BLOC1S2: variants seen among roughly 807,000 people sequenced by gnomAD.
BLOC1S2 encodes biogenesis of lysosome-related organelles complex 1 subunit 2.
Under a neutral mutation model 19.6 loss-of-function variants are expected in BLOC1S2, and 12 were observed. The observed-to-expected ratio is 0.61, with a 90% CI of 0.39 to 0.99. BLOC1S2 has a LOEUF of 0.99. BLOC1S2 is among the 50% of genes least tolerant of loss of function. The pLI is 0.00. For synonymous variants in BLOC1S2, 66 were observed against 64.1 expected (o/e 1.03, Z -0.14); for missense variants, 142 against 171.0 (o/e 0.83, Z 0.95).
At position 100,274,941 on chromosome 10, in the gene BLOC1S2, A is replaced by G. The variant is rs1260036913; in HGVS notation, c.*521T>C. ...TGGAATTATTTTAAGATTTTATGTTATTTGCAATATTATGGAAAAGTAAGT... is the reference window on the plus strand; with the variant it reads ...TGGAATTATTTTAAGATTTTATGTTGTTTGCAATATTATGGAAAAGTAAGT... On this transcript the variant is annotated 3_prime_UTR_variant, in exon 5 of 5. Coordinates refer to ENST00000370372, the MANE Select transcript of BLOC1S2 (RefSeq NM_173809.5). 2.5e-6 allele frequency: 1 copy of G among 398,632 alleles called. No individual in the cohort carries two copies. Among genetic ancestry groups the G allele is most frequent in the Non-Finnish European group, 4.4e-6 (1 of 226,092 alleles). 24.7% of individuals were successfully genotyped at this position (398,632 alleles called of 1,614,324 possible).
intron 4 of BLOC1S2, among the ~76,000 whole-genome samples, chr10:100,276,206 T>C (rs188542251): frequency 6.6e-6 from 1 of 152,302 alleles, no homozygotes; most frequent in East Asian, 1.9e-4. Context: ...TACTACAAAC[T>C]ACTTTCTTGA....
At chr10:100,280,039 C>G (rs1848062748) in intron 4 of BLOC1S2, 85 bp downstream of exon 4, 2 of 1,005,750 alleles carry the variant, frequency 2.0e-6, no homozygotes, top group African/African-American at 1.6e-5. Context: ...GTAGGCACAC[C>G]ATAAATGTTA....
At chr10:100,281,662 G>A (rs1365060571) in intron 2 of BLOC1S2, among the ~76,000 whole-genome samples, 1 of 141,840 alleles carries the variant, frequency 7.1e-6, no homozygotes, top group Admixed American at 7.3e-5. Flanking sequence ...CAGCCTGGGT[G>A]ACAGAGTGAG....
At chr10:100,275,571 A>G in intron 4 of BLOC1S2, 78 bp from the exon 5 acceptor site, 1 of 1,345,012 alleles carries the variant, frequency 7.4e-7, no homozygotes, top group South Asian at 1.3e-5. Flanking sequence ...TTTCCAGTCA[A>G]GTTTAAAAAA....
rs1219919809 is a variant in BLOC1S2, at chr10:100,276,413, C to CG, written c.398-921_398-920insC. On this transcript the variant is annotated intron_variant, in intron 4 of 4. Coordinates refer to ENST00000370372, the MANE Select transcript of BLOC1S2 (RefSeq NM_173809.5). ...GTCTCCCTCTCCCTCTCCCGTCTCC[C>CG]TCTCCCTCTCCCGTCTCCCTCTCCC... Among the ~76,000 whole-genome samples the CG allele has an allele frequency of 4.9e-4, 6 of 12,354 alleles. 1 individual carries two copies. The highest frequency in any genetic ancestry group is 4.8e-3 in the East Asian group (3 of 626). The allele number at this position is 12,354 out of a possible 152,430, so 8.1% of individuals were successfully genotyped here.
rs10692467 is a variant in BLOC1S2 at position 100,274,305 on chromosome 10, C to CAA, written c.*1156_*1157insTT. 0.21 allele frequency: 32,138 copies of CAA among 152,032 alleles called. 6,298 individuals carry two copies. Among genetic ancestry groups the CAA allele is most frequent in the African/African-American group, 0.52 (21,680 of 41,376 alleles). The allele number at this position is 152,032 out of a possible 1,614,324, so 9.4% of individuals were successfully genotyped here. ...ATGCATAATGAAAGTCTAGATTTTT[C>CAA]AGAGGCCATGATAAGTCACTACAGG... On this transcript the variant is annotated 3_prime_UTR_variant, in exon 5 of 5. Coordinates refer to ENST00000370372, the MANE Select transcript of BLOC1S2 (RefSeq NM_173809.5).
At chr10:100,284,954 T>C (rs949226998) in intron 2 of BLOC1S2, among the ~76,000 whole-genome samples, 3 of 151,756 alleles carry the variant, frequency 2.0e-5, no homozygotes, top group African/African-American at 7.3e-5. Context: ...CAGACTAAGA[T>C]GTATCTGGGG....
In BLOC1S2 at chr10:100,274,841, C is replaced by T. The variant is rs879783481; in HGVS notation, c.*621G>A. ...CAATGTGACTCACATAGAAAATAAA[C>T]AAGAGGGGCCCATCACATACGCCAA... On this transcript the variant is annotated 3_prime_UTR_variant, in exon 5 of 5. Coordinates refer to ENST00000370372, the MANE Select transcript of BLOC1S2 (RefSeq NM_173809.5). The T allele has an allele frequency of 4.0e-5, 16 of 397,148 alleles. No individual in the cohort carries two copies. The highest frequency in any genetic ancestry group is 6.2e-5 in the Non-Finnish European group (14 of 225,646). 24.6% of individuals were successfully genotyped at this position (397,148 alleles called of 1,614,324 possible). A position where few individuals can be genotyped will look rare whatever the true frequency, so the allele number is the denominator to read the frequency against.
At chr10:100,278,524 T>C (rs1589648992) in intron 4 of BLOC1S2, among the ~76,000 whole-genome samples, 1 of 152,088 alleles carries the variant, frequency 6.6e-6, no homozygotes, top group Non-Finnish European at 1.5e-5. Flanking sequence ...TGTTGATCTA[T>C]GACCTTACCC....
chr10:100,279,587 A>G lies in BLOC1S2; in HGVS notation c.397+537T>C, dbSNP rs550834781. Among the ~76,000 whole-genome samples the G allele has an allele frequency of 3.9e-5, 6 of 152,292 alleles. No individual in the cohort carries two copies. In the East Asian group the frequency reaches 7.7e-4, roughly 20 times the overall value. ...GTCTCTACTAAAAGTACAAAAAAAA[A>G]TCATGTACTTACCTCACAGATTATT... On this transcript the variant is annotated intron_variant, in intron 4 of 4. Transcript: ENST00000370372.
intron 4 of BLOC1S2, among the ~76,000 whole-genome samples, chr10:100,278,208 TG>T (rs1226104979): frequency 4.1e-4 from 58 of 139,792 alleles, no homozygotes; most frequent in African/African-American, 1.6e-3. Context: ...GGGAGGGAGG[TG>T]GGGGGGTCAG....
At chr10:100,276,318 T>G (rs1847850046) in intron 4 of BLOC1S2, among the ~76,000 whole-genome samples, 1 of 60,786 alleles carries the variant, frequency 1.6e-5, no homozygotes, top group Non-Finnish European at 5.1e-5. Flanking sequence ...CCCTCTCCCG[T>G]CTCCCTCTCT....
Position 100,275,056 on chromosome 10 carries a change from A to G in BLOC1S2, c.*406T>C. 2.5e-6 allele frequency: 1 copy of G among 400,108 alleles called. No homozygotes were observed. The highest frequency in any genetic ancestry group is 2.1e-5 in the African/African-American group (1 of 48,776). 24.8% of individuals were successfully genotyped at this position (400,108 alleles called of 1,614,324 possible). A position where few individuals can be genotyped will look rare whatever the true frequency, so the allele number is the denominator to read the frequency against. On this transcript the variant is annotated 3_prime_UTR_variant, in exon 5 of 5. Transcript: ENST00000370372. ...AGAATCTTGTTTACAACACATTAGC[A>G]TCATTAACAGAAAAACGACCATTTA...
At chr10:100,276,349 G>C (rs1472719218) in intron 4 of BLOC1S2, among the ~76,000 whole-genome samples, 1 of 39,732 alleles carries the variant, frequency 2.5e-5, no homozygotes, top group African/African-American at 1.7e-4. Context: ...TCCCTCTCCC[G>C]TCTCCCTCTC....
At chr10:100,281,779 C>T (rs1245991170) in intron 2 of BLOC1S2, among the ~76,000 whole-genome samples, 2 of 151,150 alleles carry the variant, frequency 1.3e-5, no homozygotes, top group Non-Finnish European at 2.9e-5. Flanking sequence ...CTTAGTAACT[C>T]GTTTATTACC....
chr10:100,282,341 T>C (rs988701325), intron 2 of BLOC1S2, among the ~76,000 whole-genome samples: 18 of 152,226 alleles, frequency 1.2e-4, no homozygotes, highest in African/African-American at 4.1e-4. Context: ...TATACCCTTG[T>C]AGTCTGGTTT....
intron 4 of BLOC1S2, among the ~76,000 whole-genome samples, chr10:100,276,255 C>T (rs1341499147): frequency 2.6e-5 from 4 of 151,990 alleles, no homozygotes; most frequent in African/African-American, 4.8e-5. Context: ...ATAAAATAAT[C>T]TGTAAATGTT....
chr10:100,279,760 A>G (rs556170566), intron 4 of BLOC1S2, among the ~76,000 whole-genome samples: 9 of 152,286 alleles, frequency 5.9e-5, no homozygotes, highest in Admixed American at 5.2e-4. Flanking sequence ...CTGTAATCCC[A>G]GCTACTCGGG....
rs1450405184 is a variant in BLOC1S2 at position 100,280,990 on chromosome 10, T to C, written c.236A>G (p.Glu79Gly). ...MNKLTSLKYLEMKDIAINISR... is the reference protein window; with the variant it reads ...MNKLTSLKYLGMKDIAINISR... ...AATGTTTATAGCAATATCTTTCATT[T>C]CAAGATACTTCAAGCTGGTGAGTTT... Residue 79 changes from glutamate (E) to glycine (G), a missense_variant, in exon 3 of 5, where the codon GAA becomes GGA. Glu to Gly is a moderately conservative substitution (Grantham distance 98). Coordinates refer to ENST00000370372, the MANE Select transcript of BLOC1S2 (RefSeq NM_173809.5). The C allele has an allele frequency of 6.2e-7, 1 of 1,613,672 alleles. No individual in the cohort carries two copies. The highest frequency in any genetic ancestry group is 2.2e-5 in the East Asian group (1 of 44,866).
Sources: gnomAD v4.1 joint callset for allele counts (sites outside exome capture counted in the v4.1 genomes callset) on GRCh38, gnomAD v4.1.1 for gene constraint, MANE v1.5 for transcripts, NCBI Gene and HGNC (gene_info 2026-07-23, HGNC 2026-07-21) for gene names.